Variants in COIL observed in about 807,000 individuals in gnomAD.
COIL encodes the protein coilin p80.
Under a neutral mutation model 51.6 loss-of-function variants are expected in COIL, and 28 were observed. That is an observed-to-expected ratio of 0.54 (90% CI 0.40 to 0.74). The LOEUF is 0.74. Ranked by LOEUF, COIL falls within the 30% of genes least tolerant of loss-of-function variation. COIL has a pLI of 0.00. For missense variants in COIL, 667 were observed against 685.9 expected (o/e 0.97, Z 0.31); for synonymous variants, 233 against 255.8 (o/e 0.91, Z 0.85).
At chr17:56,953,067 C>A (rs1910403173) in intron 1 of COIL, among the ~76,000 whole-genome samples, 1 of 152,012 alleles carries the variant, frequency 6.6e-6, no homozygotes, top group Admixed American at 6.6e-5. Context: ...GGCTTGAGCC[C>A]AGGAGTTTAA....
chr17:56,940,675 G>A (rs576916013), intron 6 of COIL, among the ~76,000 whole-genome samples: 8 of 152,094 alleles, frequency 5.3e-5, no homozygotes, highest in Non-Finnish European at 1.0e-4. Context: ...TCACACTTCA[G>A]AAAAAATATG....
At chr17:56,945,117 T>C (rs988910687) in intron 5 of COIL, among the ~76,000 whole-genome samples, 1 of 152,156 alleles carries the variant, frequency 6.6e-6, no homozygotes, top group Non-Finnish European at 1.5e-5. Flanking sequence ...GGCAGGTGGA[T>C]TGCTTGAGGC....
At chr17:56,940,592 G>A (rs1007820870) in intron 6 of COIL, among the ~76,000 whole-genome samples, 1 of 152,058 alleles carries the variant, frequency 6.6e-6, no homozygotes, top group African/African-American at 2.4e-5. Context: ...ATGTGTTTCT[G>A]GAATAAATCC....
chr17:56,957,435 C>G (rs900577735), intron 1 of COIL, among the ~76,000 whole-genome samples: 1 of 152,176 alleles, frequency 6.6e-6, no homozygotes, highest in Middle Eastern at 3.4e-3. Context: ...GCCTGGCCAA[C>G]ATGGTGAAAC....
At chr17:56,959,981 C>A (rs1464178502) in intron 1 of COIL, among the ~76,000 whole-genome samples, 4 of 152,154 alleles carry the variant, frequency 2.6e-5, no homozygotes, top group Non-Finnish European at 5.9e-5. Flanking sequence ...TTTGGGAAGC[C>A]GGGAGGATCA....
intron 5 of COIL, among the ~76,000 whole-genome samples, chr17:56,945,636 T>C (rs530772039): frequency 6.6e-6 from 1 of 152,248 alleles, no homozygotes; most frequent in African/African-American, 2.4e-5. Flanking sequence ...GTAGGTCTTA[T>C]GAGTTCACTG....
At chr17:56,952,343 T>G in intron 1 of COIL, 1 of 447,590 alleles carries the variant, frequency 2.2e-6, no homozygotes, top group Non-Finnish European at 4.3e-6. Flanking sequence ...GCTGGCATCA[T>G]AGACCACGAA....
chr17:56,959,970 C>T (rs1910554208), intron 1 of COIL, among the ~76,000 whole-genome samples: 1 of 152,236 alleles, frequency 6.6e-6, no homozygotes. Context: ...AATCCCAGCA[C>T]TTTGGGAAGC....
At chr17:56,952,062 G>A in intron 1 of COIL, 2 of 284,814 alleles carry the variant, frequency 7.0e-6, no homozygotes, top group South Asian at 6.5e-5. Context: ...GCCTACCTTG[G>A]CCTCTCAAAG....
At chr17:56,942,859 T>C (rs535819309) in intron 5 of COIL, among the ~76,000 whole-genome samples, 3 of 152,314 alleles carry the variant, frequency 2.0e-5, no homozygotes, top group African/African-American at 7.2e-5. Flanking sequence ...GAAAAATGAC[T>C]GTGCAAGCTG....
At chr17:56,939,577 C>T (rs1190699245) in intron 6 of COIL, among the ~76,000 whole-genome samples, 2 of 151,958 alleles carry the variant, frequency 1.3e-5, no homozygotes, top group Non-Finnish European at 2.9e-5. Flanking sequence ...TGTGTCTCTG[C>T]AAAAATACAA....
Position 56,939,145 on chromosome 17 carries a change from A to G in COIL, c.1657T>C (p.Phe553Leu), listed in dbSNP as rs376779971. ...AVTQESKITVFWKELIDPRLI... is the reference protein window; with the variant it reads ...AVTQESKITVLWKELIDPRLI... ...CTTGGGTCAATCAACTCTTTCCAAA[A>G]TACAGTGATCTGAGGAAAAAGACAA... Residue 553 changes from phenylalanine to leucine, a missense_variant, in exon 7 of 7, where the codon TTT (phenylalanine) becomes CTT (leucine). Phe to Leu is a conservative substitution (Grantham distance 22). Coordinates refer to ENST00000240316, the MANE Select transcript of COIL (RefSeq NM_004645.3). 19 of 1,587,364 alleles carry G rather than the reference A, an allele frequency of 1.2e-5. No individual in the cohort carries two copies. Among genetic ancestry groups the G allele is most frequent in the Non-Finnish European group, 1.6e-5 (18 of 1,156,096 alleles).
chr17:56,961,042 C>A lies in COIL; in HGVS notation c.-23G>T. 1 of 1,604,690 alleles carries A rather than the reference C, an allele frequency of 6.2e-7. No individual in the cohort carries two copies. ...CATCTTGCTTGGTGCTCAACGGAAGCCGAGAGATACCACGGGGCCACCGAG... is the reference window on the plus strand; with the variant it reads ...CATCTTGCTTGGTGCTCAACGGAAGACGAGAGATACCACGGGGCCACCGAG... On this transcript the variant is annotated 5_prime_UTR_variant, in exon 1 of 7. Transcript: ENST00000240316.
chr17:56,950,532 C>A lies in COIL; in HGVS notation c.710G>T (p.Ser237Ile), dbSNP rs1910343338. The A allele has an allele frequency of 1.2e-6, 2 of 1,614,230 alleles. No individual in the cohort carries two copies. The highest frequency in any genetic ancestry group is 1.3e-5 in the African/African-American group (1 of 75,062). Reference sequence around the variant, plus strand: ...ACTGGGACTCTCTTTTGAGCAAACGCTTACACTACCTTTCCTTTTGGCTTT... The same window carrying A: ...ACTGGGACTCTCTTTTGAGCAAACGATTACACTACCTTTCCTTTTGGCTTT... ...LVKAKRKGSVSVCSKESPSSS... is the reference protein window; with the variant it reads ...LVKAKRKGSVIVCSKESPSSS... Residue 237 changes from serine (S) to isoleucine (I), a missense_variant, in exon 2 of 7, where the codon AGC (serine) becomes ATC (isoleucine). By Grantham distance (142) the Ser-to-Ile change is moderately radical. Transcript: ENST00000240316.
intron 5 of COIL, among the ~76,000 whole-genome samples, chr17:56,945,872 C>T (rs1389386582): frequency 2.6e-5 from 4 of 152,166 alleles, no homozygotes; most frequent in South Asian, 2.1e-4. Flanking sequence ...TGTGCCATGA[C>T]GCCCGGCTAA....
At chr17:56,946,343 A>G in intron 5 of COIL, 99 bp downstream of exon 5, 1 of 771,772 alleles carries the variant, frequency 1.3e-6, no homozygotes, top group Middle Eastern at 2.7e-4. Context: ...CGCCAGTTAT[A>G]TGGAGGCCAA....
At chr17:56,944,078 G>A (rs1015439119) in intron 5 of COIL, among the ~76,000 whole-genome samples, 1 of 151,154 alleles carries the variant, frequency 6.6e-6, no homozygotes, top group Non-Finnish European at 1.5e-5. Flanking sequence ...TGCTGCCCAG[G>A]CTGGTCTTGA....
intron 5 of COIL, among the ~76,000 whole-genome samples, chr17:56,943,086 G>T (rs1041210367): frequency 9.2e-5 from 14 of 152,032 alleles, no homozygotes; most frequent in African/African-American, 3.4e-4. Context: ...TTATTTCTTT[G>T]TAAGAAACTT....
At chr17:56,940,459 G>A (rs1052071295) in intron 6 of COIL, among the ~76,000 whole-genome samples, 7 of 152,084 alleles carry the variant, frequency 4.6e-5, no homozygotes, top group Non-Finnish European at 8.8e-5. Flanking sequence ...AGGGCATAGA[G>A]AGAAAAGCCT....
Sources: gnomAD v4.1 joint callset for allele counts (sites outside exome capture counted in the v4.1 genomes callset) on GRCh38, gnomAD v4.1.1 for gene constraint, MANE v1.5 for transcripts, NCBI Gene and HGNC (gene_info 2026-07-23, HGNC 2026-07-21) for gene names.